ANXA8: variants seen among roughly 807,000 people sequenced by gnomAD.
ANXA8 encodes annexin A8.
ANXA8 carries 9 observed loss-of-function variants against 26.8 expected under a neutral mutation model. That is an observed-to-expected ratio of 0.34 (90% CI 0.20 to 0.59). The LOEUF (loss-of-function observed/expected upper bound fraction) is 0.59, where lower values mean the gene tolerates loss of function less well. ANXA8 is among the 20% of genes least tolerant of loss of function. The pLI, the probability that ANXA8 is intolerant of heterozygous loss-of-function variation, is 0.84. For missense variants in ANXA8, 83 were observed against 238.5 expected, an observed-to-expected ratio of 0.35 and a Z score of 4.29; for synonymous variants, 39 against 94.8, an observed-to-expected ratio of 0.41 and a Z score of 3.42.
the ANXA8 span, among the ~76,000 whole-genome samples, chr10:47,684,843 C>A: frequency 2.7e-5 from 4 of 150,364 alleles, no homozygotes; most frequent in Non-Finnish European, 4.4e-5. Context: ...ACCTCGGCCT[C>A]CCAAAGTGCT....
the ANXA8 span, among the ~76,000 whole-genome samples, chr10:47,572,544 C>T: frequency 4.1e-4 from 62 of 151,174 alleles, no homozygotes; most frequent in Non-Finnish European, 5.4e-4. Flanking sequence ...GGTGAAACCC[C>T]GTCTCCACTA....
At chr10:47,552,407 G>A in the ANXA8 span, among the ~76,000 whole-genome samples, 37 of 151,562 alleles carry the variant, frequency 2.4e-4, no homozygotes, top group African/African-American at 8.5e-4. Flanking sequence ...CTGGACTAAC[G>A]AAGTGGTTTC....
chr10:47,765,104 A>G, the ANXA8 span, among the ~76,000 whole-genome samples: 1 of 149,700 alleles, frequency 6.7e-6, no homozygotes, highest in Non-Finnish European at 1.5e-5. Context: ...GCGTTTCTCT[A>G]TAAGAGGCTC....
the ANXA8 span, among the ~76,000 whole-genome samples, chr10:47,519,383 G>C: frequency 8.4e-6 from 1 of 118,366 alleles, no homozygotes; most frequent in South Asian, 2.9e-4. Context: ...CAGGAGAATT[G>C]CTTGAACCTG....
At chr10:47,950,353 A>G in the ANXA8 span, among the ~76,000 whole-genome samples, 55 of 152,324 alleles carry the variant, frequency 3.6e-4, no homozygotes, top group South Asian at 0.011. Flanking sequence ...AAAAATGAAT[A>G]AAGGGGAAGG....
the ANXA8 span, among the ~76,000 whole-genome samples, chr10:47,901,781 T>C: frequency 2.0e-5 from 3 of 148,518 alleles, no homozygotes; most frequent in African/African-American, 7.4e-5. Flanking sequence ...ATATTACTTA[T>C]ATTTTGATTA....
the ANXA8 span, among the ~76,000 whole-genome samples, chr10:47,743,384 G>A: frequency 3.1e-3 from 158 of 50,702 alleles, 1 homozygote; most frequent in African/African-American, 5.0e-3. Flanking sequence ...ATATATGTGT[G>A]TGTGTGTGTG....
the ANXA8 span, chr10:47,491,599 C>G: frequency 6.6e-7 from 1 of 1,519,838 alleles, no homozygotes. Context: ...CCTGGGTCCT[C>G]ACTGGCTCCC....
the ANXA8 span, among the ~76,000 whole-genome samples, chr10:47,954,948 A>T: frequency 6.7e-6 from 1 of 150,266 alleles, no homozygotes; most frequent in Non-Finnish European, 1.5e-5. Context: ...AAACATTATG[A>T]TGAGTGAAAG....
the ANXA8 span, among the ~76,000 whole-genome samples, chr10:47,733,188 TC>T: frequency 8.8e-6 from 1 of 113,506 alleles, no homozygotes; most frequent in African/African-American, 3.0e-5. Flanking sequence ...TTTCTTTCTT[TC>T]TTTCTTTCTT....
At chr10:47,667,097 T>G in the ANXA8 span, among the ~76,000 whole-genome samples, 1 of 152,040 alleles carries the variant, frequency 6.6e-6, no homozygotes, top group Non-Finnish European at 1.5e-5. Flanking sequence ...AGTCTCTGTT[T>G]TCTCATAGTG....
At chr10:47,687,182 G>C in the ANXA8 span, among the ~76,000 whole-genome samples, 7 of 151,674 alleles carry the variant, frequency 4.6e-5, no homozygotes, top group African/African-American at 1.7e-4. Context: ...GGAGAAGAAA[G>C]CCAAAGATCT....
At chr10:47,526,793 G>C in the ANXA8 span, among the ~76,000 whole-genome samples, 26 of 144,010 alleles carry the variant, frequency 1.8e-4, 1 homozygote, top group Non-Finnish European at 1.5e-4. Context: ...GCTAAGGGCA[G>C]TGGCAGTGAC....
the ANXA8 span, among the ~76,000 whole-genome samples, chr10:47,694,941 A>G: frequency 6.6e-6 from 1 of 151,658 alleles, no homozygotes; most frequent in Non-Finnish European, 1.5e-5. Flanking sequence ...GAGCTGGGGC[A>G]TGTCAGTGAG....
At chr10:47,574,077 T>C in the ANXA8 span, among the ~76,000 whole-genome samples, 1 of 77,486 alleles carries the variant, frequency 1.3e-5, no homozygotes, top group South Asian at 6.2e-4. Context: ...AATTATTTTA[T>C]GGGGGGACAT....
the ANXA8 span, among the ~76,000 whole-genome samples, chr10:47,674,109 G>A: frequency 1.2e-3 from 182 of 151,240 alleles, no homozygotes; most frequent in African/African-American, 4.2e-3. Context: ...TTTTTGGGAC[G>A]AAGAACATGC....
At chr10:47,603,296 A>C in the ANXA8 span, among the ~76,000 whole-genome samples, 1 of 149,286 alleles carries the variant, frequency 6.7e-6, no homozygotes, top group African/African-American at 2.6e-5. Context: ...AATATTACCA[A>C]CATATTATAG....
the ANXA8 span, among the ~76,000 whole-genome samples, chr10:47,945,443 C>A: frequency 6.6e-6 from 1 of 150,878 alleles, no homozygotes; most frequent in Non-Finnish European, 1.5e-5. Flanking sequence ...GTAAGGGTCT[C>A]TTTGCCCACC....
the ANXA8 span, among the ~76,000 whole-genome samples, chr10:47,556,123 G>A: frequency 2.3e-4 from 35 of 151,942 alleles, no homozygotes; most frequent in East Asian, 5.6e-3. Flanking sequence ...TTAAGAAAAA[G>A]GATTGGATTT....
Sources: gnomAD v4.1 joint callset for allele counts (sites outside exome capture counted in the v4.1 genomes callset) on GRCh38, gnomAD v4.1.1 for gene constraint, MANE v1.5 for transcripts, NCBI Gene and HGNC (gene_info 2026-07-23, HGNC 2026-07-21) for gene names.